Variants in RPTOR observed in about 807,000 individuals in gnomAD.
RPTOR encodes the protein regulatory associated protein of MTOR complex 1, also known as regulatory-associated protein of mTOR.
A neutral mutation model predicts 169.9 loss-of-function variants in RPTOR; 21 were observed. That is an observed-to-expected ratio of 0.12 (90% confidence interval 0.09 to 0.18). The LOEUF (loss-of-function observed/expected upper bound fraction) is 0.18. RPTOR is among the 10% of genes least tolerant of loss of function. The pLI, the probability that RPTOR is intolerant of heterozygous loss-of-function variation, is 1.00. For missense variants in RPTOR, 1,133 were observed against 1,855.9 expected, an observed-to-expected ratio of 0.61 and a Z score of 7.16; for synonymous variants, 732 against 753.2, an observed-to-expected ratio of 0.97 and a Z score of 0.46.
chr17:80,931,319 A>G (rs2068894585), intron 24 of RPTOR, among the ~76,000 whole-genome samples: 1 of 152,174 alleles, frequency 6.6e-6, no homozygotes, highest in Non-Finnish European at 1.5e-5. Context: ...CTCCAAGGAG[A>G]GCCGGACCAT....
chr17:80,854,773 G>T (rs555978496), intron 11 of RPTOR, among the ~76,000 whole-genome samples: 1 of 152,132 alleles, frequency 6.6e-6, no homozygotes, highest in Non-Finnish European at 1.5e-5. Flanking sequence ...ACATACCTGC[G>T]GTCCTAGCTA....
intron 12 of RPTOR, among the ~76,000 whole-genome samples, chr17:80,856,667 G>A (rs1008407673): frequency 2.0e-5 from 3 of 152,224 alleles, no homozygotes; most frequent in Non-Finnish European, 4.4e-5. Context: ...GTCACTTGGT[G>A]TGTGCGTGGT....
intron 6 of RPTOR, among the ~76,000 whole-genome samples, chr17:80,782,429 G>T (rs1432911089): frequency 6.6e-6 from 1 of 151,644 alleles, no homozygotes; most frequent in Non-Finnish European, 1.5e-5. Context: ...GAGTTTTATG[G>T]GTTTGCCACA....
chr17:80,885,446 C>G (rs1355742968), intron 17 of RPTOR, among the ~76,000 whole-genome samples: 1 of 152,018 alleles, frequency 6.6e-6, no homozygotes, highest in Non-Finnish European at 1.5e-5. Flanking sequence ...CAAAGAGACG[C>G]AGCCACCCAC....
chr17:80,696,696 G>A (rs1319468122), intron 3 of RPTOR, among the ~76,000 whole-genome samples: 1 of 152,232 alleles, frequency 6.6e-6, no homozygotes, highest in Non-Finnish European at 1.5e-5. Context: ...ACTTGCAGCA[G>A]GGATGCCGCC....
chr17:80,753,092 C>T (rs1296566888), intron 5 of RPTOR, among the ~76,000 whole-genome samples: 2 of 152,290 alleles, frequency 1.3e-5, no homozygotes, highest in East Asian at 3.9e-4. Flanking sequence ...AATTAATGCA[C>T]ATTTGTTTGT....
chr17:80,569,954 C>T (rs908334011), intron 1 of RPTOR, among the ~76,000 whole-genome samples: 3 of 152,140 alleles, frequency 2.0e-5, no homozygotes, highest in African/African-American at 2.4e-5. Flanking sequence ...TTTGCCTGGC[C>T]TCCTGGAGTC....
intron 20 of RPTOR, among the ~76,000 whole-genome samples, chr17:80,907,043 C>A (rs1047555101): frequency 1.1e-4 from 17 of 152,180 alleles, no homozygotes; most frequent in African/African-American, 3.9e-4. Context: ...CTGCAGAACC[C>A]ACGCACACAT....
chr17:80,737,550 G>A (rs374050157), intron 5 of RPTOR, among the ~76,000 whole-genome samples: 4 of 152,120 alleles, frequency 2.6e-5, no homozygotes, highest in Non-Finnish European at 4.4e-5. Context: ...CTTCCAGCCC[G>A]CACCACTCCA....
rs538303717 is a variant in RPTOR, at chr17:80,651,907, C to T, written c.348+8097C>T. Among the ~76,000 whole-genome samples, 105 of 152,212 alleles carry T rather than the reference C, an allele frequency of 6.9e-4. No homozygotes were observed. The highest frequency in any genetic ancestry group is 2.4e-3 in the African/African-American group (101 of 41,514). ...ACTGTAGTCCCAGTTACTCAGGAGG[C>T]TGAGGCAGGAGAATGGCATGAACCC... On this transcript the variant is annotated intron_variant, in intron 3 of 33. Transcript: ENST00000306801. The surrounding 1 kb of genome is among the most constrained non-coding windows in gnomAD (Gnocchi z 4.1).
intron 6 of RPTOR, among the ~76,000 whole-genome samples, chr17:80,789,784 C>A (rs539641107): frequency 6.6e-6 from 1 of 152,320 alleles, no homozygotes; most frequent in Middle Eastern, 3.4e-3. Context: ...GGTCACGGCC[C>A]TTCCATTTCC....
rs1452246652 is a variant in RPTOR, at chr17:80,545,649, A to T, written c.20A>T (p.Gln7Leu). 7 of 1,612,486 alleles carry T rather than the reference A, an allele frequency of 4.3e-6. No individual in the cohort carries two copies. The highest frequency in any genetic ancestry group is 5.9e-6 in the Non-Finnish European group (7 of 1,179,306). The change falls in exon 1 of 34, where the codon CAA becomes CTA. Residue 7 changes from glutamine to leucine, a missense_variant. Coordinates refer to ENST00000306801, the MANE Select transcript of RPTOR (RefSeq NM_020761.3). Reference sequence around the variant, plus strand: ...CCACTGATGGAGTCCGAAATGCTGCAATCGCCTCTTCTGGGCCTGGGGGAG... The same window carrying T: ...CCACTGATGGAGTCCGAAATGCTGCTATCGCCTCTTCTGGGCCTGGGGGAG... MESEML[Q>L]SPLLGLGEED...
chr17:80,686,079 T>C (rs949495398), intron 3 of RPTOR, among the ~76,000 whole-genome samples: 2 of 152,032 alleles, frequency 1.3e-5, no homozygotes, highest in African/African-American at 4.8e-5. Context: ...AGATAAAGGA[T>C]TGGGAGGATG....
intron 1 of RPTOR, among the ~76,000 whole-genome samples, chr17:80,621,325 AT>A (rs1364135364): frequency 6.6e-6 from 1 of 152,268 alleles, no homozygotes; most frequent in African/African-American, 2.4e-5. Flanking sequence ...AGAGCTACTC[AT>A]TTGACTGAGA....
chr17:80,703,705 G>A (rs1038422671), intron 3 of RPTOR, among the ~76,000 whole-genome samples: 1 of 152,216 alleles, frequency 6.6e-6, no homozygotes, highest in African/African-American at 2.4e-5. Context: ...CCCCAGTACT[G>A]CCGGAGGAGC....
intron 20 of RPTOR, among the ~76,000 whole-genome samples, chr17:80,901,202 G>A (rs1005991925): frequency 4.0e-5 from 6 of 150,086 alleles, no homozygotes; most frequent in East Asian, 2.0e-4. Flanking sequence ...AGTACAGGGC[G>A]AAGAATCGCA....
rs2067646856 is a variant in RPTOR, at chr17:80,841,209, T to TCTCACCGCATGGCAGCTCACA, written c.1212+3221_1212+3222insTGGCAGCTCACACTCACCGCA. 1.2e-4 allele frequency among the ~76,000 whole-genome samples: 2 copies of TCTCACCGCATGGCAGCTCACA among 16,770 alleles called. 1 individual carries two copies. The highest frequency in any genetic ancestry group is 5.2e-4 in the African/African-American group (2 of 3,882). The allele number at this position is 16,770 out of a possible 152,430, so 11.0% of individuals were successfully genotyped here. The stretch of plus-strand genomic sequence containing the variant: ...TCACACTCACCGCACGGCAGCTCAC[T>TCTCACCGCATGGCAGCTCACA]CTCACCGCACGGCAGCTCACTCTCA... On this transcript the variant is annotated intron_variant, in intron 10 of 33. Transcript: ENST00000306801.
intron 17 of RPTOR, 34 bp from the exon 18 acceptor site, chr17:80,891,686 A>G: frequency 1.4e-6 from 2 of 1,388,950 alleles, no homozygotes; most frequent in Non-Finnish European, 2.0e-6. Context: ...TTCCAGCCCC[A>G]GTGACTGTTA....
At chr17:80,837,203 A>T (rs2067573568) in intron 9 of RPTOR, among the ~76,000 whole-genome samples, 2 of 152,100 alleles carry the variant, frequency 1.3e-5, no homozygotes, top group African/African-American at 4.8e-5. Context: ...GAAGCACATC[A>T]CCGGGGTCAT....
Sources: gnomAD v4.1 joint callset for allele counts (sites outside exome capture counted in the v4.1 genomes callset) on GRCh38, gnomAD v4.1.1 for gene constraint, Gnocchi (gnomAD v3.1) non-coding constraint, MANE v1.5 for transcripts, NCBI Gene and HGNC (gene_info 2026-07-23, HGNC 2026-07-21) for gene names.